Variants in NRXN3 observed in about 807,000 individuals in gnomAD.
NRXN3 encodes the protein neurexin III.
NRXN3 carries 32 observed loss-of-function variants against 137.6 expected under a neutral mutation model. The observed-to-expected ratio is 0.23, with a 90% CI of 0.18 to 0.31. NRXN3 has a LOEUF of 0.31. Ranked by LOEUF, NRXN3 falls within the 10% of genes least tolerant of loss-of-function variation. The pLI, the probability that NRXN3 is intolerant of heterozygous loss-of-function variation, is 1.00. For missense variants in NRXN3, 1,574 were observed against 2,062.5 expected (o/e 0.76, Z 4.59); for synonymous variants, 798 against 784.5 (o/e 1.02, Z -0.29).
chr14:79,674,821 A>G (rs2098631849), intron 17 of NRXN3, among the ~76,000 whole-genome samples: 1 of 152,106 alleles, frequency 6.6e-6, no homozygotes, highest in African/African-American at 2.4e-5. Context: ...TTTCATTTTA[A>G]TCACATTAGA....
intron 6 of NRXN3, among the ~76,000 whole-genome samples, chr14:78,688,543 G>C (rs1269814651): frequency 6.6e-6 from 1 of 152,100 alleles, no homozygotes; most frequent in Non-Finnish European, 1.5e-5. Flanking sequence ...GATGAAAATG[G>C]TCATAGACAA....
intron 16 of NRXN3, among the ~76,000 whole-genome samples, chr14:79,585,626 A>T (rs1252386666): frequency 7.0e-6 from 1 of 143,832 alleles, no homozygotes; most frequent in African/African-American, 2.6e-5. Context: ...CGGAGGTTGC[A>T]GTGAGCGGAG....
chr14:79,399,332 A>G (rs1410632343), intron 15 of NRXN3, among the ~76,000 whole-genome samples: 1 of 152,174 alleles, frequency 6.6e-6, no homozygotes, highest in Non-Finnish European at 1.5e-5. Flanking sequence ...TCCCCCAGAG[A>G]TATTCATGTT....
At chr14:78,188,513 T>C (rs2060438444) in intron 1 of NRXN3, among the ~76,000 whole-genome samples, 1 of 152,216 alleles carries the variant, frequency 6.6e-6, no homozygotes, top group Non-Finnish European at 1.5e-5. Context: ...ACAACCACTT[T>C]GGGGTCAGAT....
At chr14:79,781,627 A>T (rs150853859) in intron 19 of NRXN3, among the ~76,000 whole-genome samples, 198 of 152,264 alleles carry the variant, frequency 1.3e-3, no homozygotes, top group African/African-American at 4.6e-3. Flanking sequence ...TTCAGTCTGG[A>T]GCAGAGACAC....
At chr14:78,307,170 A>G (rs1358563250) in intron 4 of NRXN3, among the ~76,000 whole-genome samples, 1 of 151,518 alleles carries the variant, frequency 6.6e-6, no homozygotes, top group Non-Finnish European at 1.5e-5. Context: ...CAAAGTGTAT[A>G]AAATGCATGC....
chr14:79,203,031 T>C (rs764389154), intron 15 of NRXN3, among the ~76,000 whole-genome samples: 1 of 152,172 alleles, frequency 6.6e-6, no homozygotes, highest in Non-Finnish European at 1.5e-5. Flanking sequence ...TACTGTTTTT[T>C]GATTTTTTGA....
intron 4 of NRXN3, among the ~76,000 whole-genome samples, chr14:78,554,231 G>A (rs556236396): frequency 1.3e-5 from 2 of 152,208 alleles, no homozygotes; most frequent in Non-Finnish European, 2.9e-5. Context: ...TGCTTACAAA[G>A]AGAGAAGGGA....
At chr14:78,734,640 G>A (rs1054801216) in intron 8 of NRXN3, among the ~76,000 whole-genome samples, 1 of 152,174 alleles carries the variant, frequency 6.6e-6, no homozygotes, top group Non-Finnish European at 1.5e-5. Flanking sequence ...CTAGTTGAGG[G>A]GTGATCAGGG....
chr14:78,225,952 G>GGTCTGTGT (rs2064507584), intron 1 of NRXN3, among the ~76,000 whole-genome samples: 2 of 124,768 alleles, frequency 1.6e-5, no homozygotes, highest in African/African-American at 6.6e-5. Context: ...GTGTTTTTTT[G>GGTCTGTGT]GTGTGTGTGT....
chr14:79,780,893 C>T (rs916235379), intron 19 of NRXN3, among the ~76,000 whole-genome samples: 1 of 152,032 alleles, frequency 6.6e-6, no homozygotes, highest in African/African-American at 2.4e-5. Flanking sequence ...ATATAGAAAA[C>T]TGAGCTGTGT....
At chr14:78,785,217 G>A (rs1244349050) in intron 8 of NRXN3, among the ~76,000 whole-genome samples, 1 of 152,110 alleles carries the variant, frequency 6.6e-6, no homozygotes, top group Non-Finnish European at 1.5e-5. Flanking sequence ...ATTTTTACTG[G>A]AAATTGTCCA....
chr14:79,721,921 T>C (rs1466549651), intron 19 of NRXN3, among the ~76,000 whole-genome samples: 1 of 152,112 alleles, frequency 6.6e-6, no homozygotes, highest in Non-Finnish European at 1.5e-5. Flanking sequence ...TTTTAATCCC[T>C]AGGATTTAGC....
chr14:79,635,073 T>G (rs2098393252), intron 16 of NRXN3, among the ~76,000 whole-genome samples: 1 of 152,228 alleles, frequency 6.6e-6, no homozygotes, highest in Non-Finnish European at 1.5e-5. Flanking sequence ...GAGAGAATTT[T>G]GAATATTCTC....
At position 78,878,123 on chromosome 14, in the gene NRXN3, A is replaced by T. The variant is rs76182443; in HGVS notation, c.2275+67779A>T. 0.013 allele frequency among the ~76,000 whole-genome samples: 1,953 copies of T among 152,264 alleles called. 208 individuals are homozygous for T. In the East Asian group the frequency reaches 0.26, roughly 20 times the overall value. On this transcript the variant is annotated intron_variant, in intron 10 of 20. Transcript: ENST00000335750. ...TCATGCAAATCATCTTTCTGGTTAAAAAAAGGCCTGTAGCTACTGGGTGAA... is the reference window on the plus strand; with the variant it reads ...TCATGCAAATCATCTTTCTGGTTAATAAAAGGCCTGTAGCTACTGGGTGAA...
chr14:79,415,960 C>T (rs75738737), intron 15 of NRXN3, among the ~76,000 whole-genome samples: 1 of 152,070 alleles, frequency 6.6e-6, no homozygotes, highest in African/African-American at 2.4e-5. Flanking sequence ...GAACACTGTT[C>T]TAAGAAATGT....
chr14:78,357,709 A>G (rs73308969), intron 4 of NRXN3, among the ~76,000 whole-genome samples: 1 of 152,288 alleles, frequency 6.6e-6, no homozygotes, highest in African/African-American at 2.4e-5. Flanking sequence ...TAATCATTTC[A>G]CCAGGAAGAA....
At chr14:79,803,899 G>GTATATA (rs36091682) in intron 19 of NRXN3, among the ~76,000 whole-genome samples, 34 of 144,828 alleles carry the variant, frequency 2.3e-4, no homozygotes, top group African/African-American at 8.5e-4. Flanking sequence ...AAGTGTGTGT[G>GTATATA]TATATATATA....
At chr14:78,203,353 A>G (rs1028169639) in intron 1 of NRXN3, among the ~76,000 whole-genome samples, 1 of 152,166 alleles carries the variant, frequency 6.6e-6, no homozygotes, top group Non-Finnish European at 1.5e-5. Context: ...GCATTCTCCC[A>G]TTGCTACTGT....
Sources: allele counts gnomAD v4.1 joint callset (sites outside exome capture counted in the v4.1 genomes callset), GRCh38; gene constraint gnomAD v4.1.1; transcripts MANE v1.5; gene names NCBI Gene and HGNC (gene_info 2026-07-23, HGNC 2026-07-21).